The following DENND5A variants were observed in gnomAD, a reference collection of about 807,000 sequenced individuals.
DENND5A encodes the protein DENN domain-containing protein 5A.
A neutral mutation model predicts 140.3 loss-of-function variants in DENND5A; 64 were observed. The ratio of observed to expected loss-of-function variants is 0.46; its 90% CI spans 0.37 to 0.56. DENND5A has a LOEUF of 0.56. DENND5A is among the 20% of genes least tolerant of loss of function. The pLI is 0.00. For missense variants in DENND5A, 1,292 were observed against 1,593.8 expected, an observed-to-expected ratio of 0.81 and a Z score of 3.22; for synonymous variants, 605 against 607.7, an observed-to-expected ratio of 1.00 and a Z score of 0.07.
intron 11 of DENND5A, 118 bp from the exon 12 acceptor site, chr11:9,160,983 T>C (rs1020599297): frequency 2.1e-5 from 21 of 979,018 alleles, no homozygotes; most frequent in Non-Finnish European, 2.8e-5. Context: ...CAGGATGAAT[T>C]AGCCCCAAGG....
At chr11:9,215,053 A>G (rs955460575) in intron 1 of DENND5A, among the ~76,000 whole-genome samples, 5 of 152,128 alleles carry the variant, frequency 3.3e-5, no homozygotes, top group Non-Finnish European at 7.4e-5. Context: ...GTCCTCTTCC[A>G]AGGCACTAAC....
rs1238847991 is a variant in DENND5A at position 9,139,298 on chromosome 11, T to C, written c.*373A>G. 1 of 190,574 alleles carries C rather than the reference T, an allele frequency of 5.2e-6. No homozygotes were observed. Among genetic ancestry groups the C allele is most frequent in the Non-Finnish European group, 1.1e-5 (1 of 91,704 alleles). The allele number at this position is 190,574 out of a possible 1,614,324, so 11.8% of individuals were successfully genotyped here. Reference sequence around the variant, plus strand: ...TAGAAAAACATTAGTTTAAAAATGATGTGGAAGGGCCTCATTAATGCGACG... The same window carrying C: ...TAGAAAAACATTAGTTTAAAAATGACGTGGAAGGGCCTCATTAATGCGACG... On this transcript the variant is annotated 3_prime_UTR_variant, in exon 23 of 23. Transcript: ENST00000328194.
At position 9,139,682 on chromosome 11, in the gene DENND5A, T is replaced by C. The variant is rs1847170447; in HGVS notation, c.3853A>G (p.Ile1285Val). The C allele has an allele frequency of 5.6e-6, 9 of 1,613,536 alleles. No individual in the cohort carries two copies. The highest frequency in any genetic ancestry group is 7.6e-6 in the Non-Finnish European group (9 of 1,179,798). The stretch of plus-strand genomic sequence containing the variant: ...CTGGTGCTGGGAGGTCAGATGTCGA[T>C]GCCCTTGACAAGGGACGTCTCCAGC... ...ITLETSLVKGIDI is the reference protein window; with the variant it reads ...ITLETSLVKGVDI The change falls in exon 23 of 23, where the codon ATC becomes GTC. Residue 1285 changes from isoleucine to valine, a missense_variant. By Grantham distance (29) the Ile-to-Val change is conservative (BLOSUM62 3). Transcript: ENST00000328194.
intron 8 of DENND5A, 158 bp from the exon 9 acceptor site, chr11:9,170,935 A>T: frequency 8.0e-7 from 1 of 1,250,894 alleles, no homozygotes; most frequent in Admixed American, 2.7e-5. Context: ...GAAAAAACCC[A>T]TGCAAAATAA....
chr11:9,232,085 T>G (rs556953480), intron 1 of DENND5A, among the ~76,000 whole-genome samples: 96 of 152,124 alleles, frequency 6.3e-4, no homozygotes, highest in African/African-American at 2.3e-3. Flanking sequence ...CAGCAGACTG[T>G]TTAAGAAAAT....
At chr11:9,159,506 C>T (rs554569481) in intron 12 of DENND5A, among the ~76,000 whole-genome samples, 54 of 152,030 alleles carry the variant, frequency 3.6e-4, no homozygotes, top group Non-Finnish European at 6.2e-4. Context: ...TTGGTAGAGA[C>T]GGGGTTTCAC....
intron 1 of DENND5A, among the ~76,000 whole-genome samples, chr11:9,264,498 G>A (rs1377266323): frequency 1.3e-5 from 2 of 151,912 alleles, no homozygotes; most frequent in Admixed American, 6.6e-5. Context: ...CCAGGGCTGG[G>A]GTATAACGGT....
chr11:9,168,240 C>T (rs765805736), intron 10 of DENND5A, among the ~76,000 whole-genome samples: 1 of 152,040 alleles, frequency 6.6e-6, no homozygotes, highest in African/African-American at 2.4e-5. Context: ...AACTGAGTCA[C>T]GGGGGTAGAT....
At chr11:9,248,983 A>T (rs1429909210) in intron 1 of DENND5A, among the ~76,000 whole-genome samples, 1 of 152,120 alleles carries the variant, frequency 6.6e-6, no homozygotes, top group African/African-American at 2.4e-5. Flanking sequence ...CACACCTGTA[A>T]TCCCAGCACT....
At chr11:9,143,063 T>TCA (rs1004621428) in intron 20 of DENND5A, 105 of 623,840 alleles carry the variant, frequency 1.7e-4, no homozygotes, top group Non-Finnish European at 2.7e-4. Context: ...TGGATCTGGG[T>TCA]CACACACAAG....
chr11:9,166,697 T>C (rs1405595392), intron 10 of DENND5A, among the ~76,000 whole-genome samples: 4 of 151,988 alleles, frequency 2.6e-5, no homozygotes, highest in African/African-American at 9.7e-5. Flanking sequence ...CCAAGTGTGG[T>C]GGTGCATGCC....
intron 1 of DENND5A, among the ~76,000 whole-genome samples, chr11:9,249,711 C>T (rs1178318457): frequency 6.6e-6 from 1 of 152,050 alleles, no homozygotes; most frequent in Non-Finnish European, 1.5e-5. Context: ...CCATGCCTGG[C>T]TAATTTTTGT....
intron 1 of DENND5A, among the ~76,000 whole-genome samples, chr11:9,209,045 T>C (rs1849784282): frequency 6.6e-6 from 1 of 152,248 alleles, no homozygotes; most frequent in Non-Finnish European, 1.5e-5. Flanking sequence ...CATTCATGTC[T>C]GAAAGAAGAT....
At chr11:9,176,553 T>C (rs1446895961) in intron 8 of DENND5A, among the ~76,000 whole-genome samples, 1 of 152,138 alleles carries the variant, frequency 6.6e-6, no homozygotes, top group African/African-American at 2.4e-5. Context: ...GCCAGAAGAA[T>C]GGGGGTAAGA....
chr11:9,210,987 T>C (rs550552425), intron 1 of DENND5A, among the ~76,000 whole-genome samples: 1 of 152,288 alleles, frequency 6.6e-6, no homozygotes, highest in East Asian at 1.9e-4. Context: ...AGACCAACTT[T>C]CCTGCAGACA....
Position 9,204,117 on chromosome 11 carries a change from T to C in DENND5A, c.492A>G (p.Leu164=), listed in dbSNP as rs1366980360. The stretch of plus-strand genomic sequence containing the variant: ...CTCTGTCATCAGCAGGGGGAGCATG[T>C]AGGACATCATACTCAGCATTGTGCA... ...YHMHNAEYDV[L]HAPPADDRDQ... Residue 164 remains leucine (L), a synonymous_variant, in exon 4 of 23, where the codon CTA becomes CTG. Transcript: ENST00000328194. 5 of 1,614,034 alleles carry C rather than the reference T, an allele frequency of 3.1e-6. No individual in the cohort carries two copies. Among genetic ancestry groups the C allele is most frequent in the Non-Finnish European group, 4.2e-6 (5 of 1,180,008 alleles).
In DENND5A at chr11:9,152,349, C is replaced by T; in HGVS notation, c.2521+9G>A. 1 of 1,593,368 alleles carries T rather than the reference C, an allele frequency of 6.3e-7. No individual in the cohort carries two copies. Among genetic ancestry groups the T allele is most frequent in the Admixed American group, 1.7e-5 (1 of 59,988 alleles). ...GAGGGCAGACTCTCCATTGCAGAGA[C>T]TATCTTACCTGAGGTACTGAGGCTT... On this transcript the variant is annotated intron_variant, in intron 13 of 22. Transcript: ENST00000328194.
At chr11:9,163,842 GA>G (rs199705474) in intron 11 of DENND5A, among the ~76,000 whole-genome samples, 11 of 140,888 alleles carry the variant, frequency 7.8e-5, no homozygotes, top group African/African-American at 1.0e-4. Context: ...CAGCAGCTTA[GA>G]AAAAAAAAAT....
intron 11 of DENND5A, among the ~76,000 whole-genome samples, chr11:9,164,116 G>A (rs1367192149): frequency 1.0e-5 from 1 of 98,820 alleles, no homozygotes; most frequent in Non-Finnish European, 1.8e-5. Context: ...CTGCAGCCTT[G>A]ACCTCCAGGG....
Sources: allele counts gnomAD v4.1 joint callset (sites outside exome capture counted in the v4.1 genomes callset), GRCh38; gene constraint gnomAD v4.1.1; transcripts MANE v1.5; gene names NCBI Gene and HGNC (gene_info 2026-07-23, HGNC 2026-07-21).